Variants in SPTB observed in about 807,000 individuals in gnomAD.
SPTB encodes the protein spectrin beta, erythrocytic.
SPTB carries 45 observed loss-of-function variants against 256.2 expected under a neutral mutation model. The ratio of observed to expected loss-of-function variants is 0.18; its 90% CI spans 0.14 to 0.23. SPTB has a LOEUF of 0.23. Among genes scored for constraint, SPTB ranks in the 10% least tolerant of loss-of-function variants. The probability of loss-of-function intolerance (pLI) is 1.00; values close to 1 mark genes in which losing one functional copy is unlikely to be tolerated. For synonymous variants in SPTB, 1,231 were observed against 1,243.1 expected, an observed-to-expected ratio of 0.99 and a Z score of 0.21; for missense variants, 2,715 against 3,040.4, an observed-to-expected ratio of 0.89 and a Z score of 2.52.
chr14:64,794,083 T>C (rs2082724374), intron 13 of SPTB, among the ~76,000 whole-genome samples: 1 of 152,098 alleles, frequency 6.6e-6, no homozygotes, highest in Non-Finnish European at 1.5e-5. Context: ...AGATAAAAAG[T>C]GGGGTTAGTT....
Position 64,866,098 on chromosome 14 carries a change from T to A in SPTB, c.-52+13694A>T, listed in dbSNP as rs1178224173. On this transcript the variant is annotated intron_variant, in intron 1 of 35. Transcript: ENST00000644917. This position sits in a 1 kb window ranked among gnomAD's most constrained non-coding sequence, Gnocchi z 4.6. ...CAAAGTAAAACATCTATGAAATGAA[T>A]AAGACTGTTCACTCAAAGAGCATGC... 3.3e-5 allele frequency among the ~76,000 whole-genome samples: 5 copies of A among 152,158 alleles called. No homozygotes were observed. Among genetic ancestry groups the A allele is most frequent in the Non-Finnish European group, 7.3e-5 (5 of 68,028 alleles).
chr14:64,754,226 G>A (rs1055703756), intron 32 of SPTB: 13 of 314,646 alleles, frequency 4.1e-5, no homozygotes, highest in East Asian at 2.3e-4. Context: ...AGACAAGTTC[G>A]GCAACCACTT....
intron 7 of SPTB, 125 bp downstream of exon 7, chr14:64,801,159 AC>A: frequency 1.3e-6 from 1 of 790,176 alleles, no homozygotes; most frequent in South Asian, 1.6e-5. Flanking sequence ...ACTGCCCCTC[AC>A]TGTGCCCACA....
intron 3 of SPTB, 105 bp downstream of exon 3, chr14:64,804,834 A>G (rs1025494186): frequency 7.0e-6 from 10 of 1,432,076 alleles, no homozygotes; most frequent in Admixed American, 1.7e-5. Context: ...AAAGGAGCAG[A>G]GAGAAAACTG....
rs1594744323 is a variant in SPTB at position 64,758,889 on chromosome 14, G to A, written c.6346-5096C>T. 6.6e-6 allele frequency among the ~76,000 whole-genome samples: 1 copy of A among 151,518 alleles called. No individual in the cohort carries two copies. The highest frequency in any genetic ancestry group is 1.5e-5 in the Non-Finnish European group (1 of 67,964). On this transcript the variant is annotated intron_variant, in intron 32 of 35. Transcript: ENST00000644917. The surrounding 1 kb of genome is among the most constrained non-coding windows in gnomAD (Gnocchi z 4.6). ...ATAAGAGATAAGGAATTTCTCTGGG[G>A]CCTTTTATTTCTAGCCATGCCTCTG...
Position 64,766,745 on chromosome 14 carries a change from G to A in SPTB, c.6326C>T (p.Ala2109Val), listed in dbSNP as rs748245626. 1 of 1,612,908 alleles carries A rather than the reference G, an allele frequency of 6.2e-7. No homozygotes were observed. Among genetic ancestry groups the A allele is most frequent in the East Asian group, 2.2e-5 (1 of 44,848 alleles). ...ACTGACCGGGGACGTTCTCTCGGTG[G>A]CCGCATGGTGGGAAACTGGAGCCTC... is the stretch of plus-strand genomic sequence containing the variant. ...AGEAPVSHHA[A>V]TERTSPGEEE... Residue 2109 changes from alanine to valine, a missense_variant, in exon 32 of 36, where the codon GCC becomes GTC. Physicochemically the swap from Ala to Val is moderately conservative, Grantham distance 64 (BLOSUM62 0). Coordinates refer to ENST00000644917, the MANE Select transcript of SPTB (RefSeq NM_001355436.2).
At chr14:64,763,764 T>G in intron 32 of SPTB, 1 of 519,030 alleles carries the variant, frequency 1.9e-6, no homozygotes, top group Middle Eastern at 3.2e-4. Context: ...CTTACCTGTA[T>G]GAACGGATTG....
intron 33 of SPTB, chr14:64,752,121 A>G: frequency 8.2e-7 from 1 of 1,222,344 alleles, no homozygotes; most frequent in Non-Finnish European, 1.1e-6. Flanking sequence ...CAAAACACAA[A>G]AAAAGACAAA....
intron 1 of SPTB, among the ~76,000 whole-genome samples, chr14:64,879,580 G>C (rs922417698): frequency 5.3e-5 from 8 of 152,202 alleles, no homozygotes; most frequent in Non-Finnish European, 1.2e-4. Flanking sequence ...CCCGCGTCCC[G>C]GGATGATCTT....
chr14:64,831,973 G>T (rs1396855946), intron 1 of SPTB, among the ~76,000 whole-genome samples: 2 of 152,152 alleles, frequency 1.3e-5, no homozygotes, highest in African/African-American at 4.8e-5. Flanking sequence ...GTTGTTTTTA[G>T]GTGGAGTGAA....
Position 64,801,871 on chromosome 14 carries a change from A to AT in SPTB, c.567-38dup, listed in dbSNP as rs780268904. Reference sequence around the variant, plus strand: ...AGAAACAGTAAGAGCTAAGAATTAGATTTTTTGTAGTCCCAAACAAGTGTA... The same window carrying AT: ...AGAAACAGTAAGAGCTAAGAATTAGATTTTTTTGTAGTCCCAAACAAGTGTA... On this transcript the variant is annotated intron_variant, in intron 5 of 35. Transcript: ENST00000644917. 512 of 1,589,972 alleles carry AT rather than the reference A, an allele frequency of 3.2e-4. 2 individuals carry two copies. The highest frequency in any genetic ancestry group is 1.5e-4 in the Non-Finnish European group (170 of 1,158,002).
At position 64,856,071 on chromosome 14, in the gene SPTB, G is replaced by T. The variant is rs376228482; in HGVS notation, c.-52+23721C>A. On this transcript the variant is annotated intron_variant, in intron 1 of 35. Coordinates refer to ENST00000644917, the MANE Select transcript of SPTB (RefSeq NM_001355436.2). The stretch of plus-strand genomic sequence containing the variant: ...CCCAAGCCTCCTTGCCTGGTTCAGG[G>T]GAGGGAAGAAATGGGAGGAAAAGAG... Among the ~76,000 whole-genome samples the T allele has an allele frequency of 7.7e-4, 117 of 152,400 alleles. 3 individuals are homozygous for T. The South Asian group carries it at 0.019, about 25-fold the overall frequency.
intron 1 of SPTB, among the ~76,000 whole-genome samples, chr14:64,861,244 T>C (rs1269567534): frequency 6.6e-6 from 1 of 151,986 alleles, no homozygotes; most frequent in Non-Finnish European, 1.5e-5. Flanking sequence ...GGTCAATAGG[T>C]GCAGCAAACC....
At position 64,799,924 on chromosome 14, in the gene SPTB, T is replaced by A; in HGVS notation, c.887A>T (p.His296Leu). 6.2e-7 allele frequency: 1 copy of A among 1,614,230 alleles called. No homozygotes were observed. Among genetic ancestry groups the A allele is most frequent in the South Asian group, 1.1e-5 (1 of 91,086 alleles). ...AATCATCTTCTCAGTCTCAATGGCA[T>A]GGTCAATAACCTAAGGAATCATCTT... ...EGKRVGKVIDHAIETEKMIEK... is the reference protein window; with the variant it reads ...EGKRVGKVIDLAIETEKMIEK... The change falls in exon 9 of 36, where the codon CAT (histidine) becomes CTT (leucine). Residue 296 changes from histidine to leucine, a missense_variant. This residue lies in a region of SPTB where 416 missense variants were observed against 571.1 expected (regional missense o/e 0.73). Coordinates refer to ENST00000644917, the MANE Select transcript of SPTB (RefSeq NM_001355436.2).
At chr14:64,766,637 C>T (rs371466996) in intron 32 of SPTB, 89 bp downstream of exon 32, 42 of 1,612,016 alleles carry the variant, frequency 2.6e-5, no homozygotes, top group African/African-American at 1.2e-4. Context: ...CAGCTCATCT[C>T]GCCTCCACCT....
rs1156542742 is a variant in SPTB, at chr14:64,778,303, C to T, written c.4563+854G>A. ...AGCTGGGGGAAGGGAGTGCTGTCTGCCATGACCTTCCTTCCTCAAGGAGCT... is the reference window on the plus strand; with the variant it reads ...AGCTGGGGGAAGGGAGTGCTGTCTGTCATGACCTTCCTTCCTCAAGGAGCT... On this transcript the variant is annotated intron_variant, in intron 22 of 35. Coordinates refer to ENST00000644917, the MANE Select transcript of SPTB (RefSeq NM_001355436.2). The surrounding 1 kb of genome is among the most constrained non-coding windows in gnomAD (Gnocchi z 5.2). 6.6e-6 allele frequency among the ~76,000 whole-genome samples: 1 copy of T among 152,188 alleles called. No homozygotes were observed. Among genetic ancestry groups the T allele is most frequent in the Non-Finnish European group, 1.5e-5 (1 of 68,040 alleles).
At chr14:64,842,560 C>A (rs1480091004) in intron 1 of SPTB, among the ~76,000 whole-genome samples, 8 of 152,202 alleles carry the variant, frequency 5.3e-5, no homozygotes, top group Non-Finnish European at 4.4e-5. Context: ...ATAGTCATCA[C>A]CTCACAGCAC....
chr14:64,776,092 G>A (rs1428202929), intron 22 of SPTB, among the ~76,000 whole-genome samples: 1 of 152,082 alleles, frequency 6.6e-6, no homozygotes, highest in African/African-American at 2.4e-5. Flanking sequence ...TGTTTTCTGG[G>A]TCCTAAAGAC....
At chr14:64,875,296 TA>T (rs1300327176) in intron 1 of SPTB, among the ~76,000 whole-genome samples, 1 of 152,212 alleles carries the variant, frequency 6.6e-6, no homozygotes. Context: ...CTATAAAGGC[TA>T]GGGATCCCCT....
Sources: gnomAD v4.1 joint callset for allele counts (sites outside exome capture counted in the v4.1 genomes callset) on GRCh38, gnomAD v4.1.1 for gene constraint, gnomAD v4.1.1 regional missense constraint, Gnocchi (gnomAD v3.1) non-coding constraint, MANE v1.5 for transcripts, NCBI Gene and HGNC (gene_info 2026-07-23, HGNC 2026-07-21) for gene names.